Variants in TMTC2 observed in about 807,000 individuals in gnomAD.
TMTC2 encodes protein O-mannosyl-transferase TMTC2.
In TMTC2, 43 loss-of-function variants were observed where a neutral mutation model predicts 82.4. That is an observed-to-expected ratio of 0.52 (90% confidence interval 0.41 to 0.67). The LOEUF (loss-of-function observed/expected upper bound fraction) is 0.67. Ranked by LOEUF, TMTC2 falls within the 30% of genes least tolerant of loss-of-function variation. TMTC2 has a pLI of 0.00. For synonymous variants in TMTC2, 408 were observed against 381.9 expected (o/e 1.07, Z -0.80); for missense variants, 919 against 1,012.4 (o/e 0.91, Z 1.25).
chr12:83,057,806 T>C (rs951626143), intron 10 of TMTC2, among the ~76,000 whole-genome samples: 2 of 151,966 alleles, frequency 1.3e-5, no homozygotes, highest in African/African-American at 2.4e-5. Context: ...GTGGTTTTTA[T>C]ATTAATTTTT....
chr12:82,814,207 TG>T (rs1868559231), intron 1 of TMTC2, among the ~76,000 whole-genome samples: 1 of 152,134 alleles, frequency 6.6e-6, no homozygotes, highest in African/African-American at 2.4e-5. Flanking sequence ...TAAGAAACAG[TG>T]TTACTGAATT....
intron 1 of TMTC2, among the ~76,000 whole-genome samples, chr12:82,845,309 C>A (rs1428937877): frequency 7.4e-6 from 1 of 134,544 alleles, no homozygotes; most frequent in Non-Finnish European, 1.5e-5. Flanking sequence ...ACCACAAATA[C>A]CACAAATCCT....
chr12:82,811,908 C>G (rs948248641), intron 1 of TMTC2, among the ~76,000 whole-genome samples: 1 of 148,596 alleles, frequency 6.7e-6, no homozygotes, highest in Non-Finnish European at 1.5e-5. Context: ...ACCTCACCTC[C>G]TGGGTTCAAG....
At chr12:82,720,429 T>C (rs971646145) in intron 1 of TMTC2, among the ~76,000 whole-genome samples, 1 of 152,194 alleles carries the variant, frequency 6.6e-6, no homozygotes, top group East Asian at 1.9e-4. Flanking sequence ...AATTCCATTG[T>C]ATGAATATTA....
intron 7 of TMTC2, among the ~76,000 whole-genome samples, chr12:82,983,271 G>T (rs1454972564): frequency 2.6e-5 from 4 of 151,920 alleles, no homozygotes; most frequent in Non-Finnish European, 5.9e-5. Flanking sequence ...GTAATAAGTG[G>T]TACCAGAGTA....
chr12:83,061,732 A>G (rs772449476), intron 10 of TMTC2, 36 bp from the exon 11 acceptor site: 26 of 1,521,716 alleles, frequency 1.7e-5, no homozygotes, highest in East Asian at 2.5e-5. Context: ...ATTCTAAAAT[A>G]TATGATATAG....
chr12:82,908,997 C>T (rs1359315894), intron 3 of TMTC2, among the ~76,000 whole-genome samples: 3 of 152,180 alleles, frequency 2.0e-5, no homozygotes, highest in African/African-American at 7.2e-5. Context: ...GGATACTCTT[C>T]AGGCAACAGA....
At chr12:82,937,776 A>ATATGTGTGTG in intron 4 of TMTC2, among the ~76,000 whole-genome samples, 1 of 23,196 alleles carries the variant, frequency 4.3e-5, no homozygotes, top group African/African-American at 1.3e-4. Context: ...ATATATATAT[A>ATATGTGTGTG]TATATATATA....
intron 4 of TMTC2, among the ~76,000 whole-genome samples, chr12:82,957,113 A>T (rs1025249316): frequency 1.3e-5 from 2 of 152,138 alleles, no homozygotes; most frequent in Non-Finnish European, 2.9e-5. Context: ...ATCACCCAAG[A>T]TCGACTACAT....
At position 82,939,011 on chromosome 12, in the gene TMTC2, G is replaced by A. The variant is rs192005845; in HGVS notation, c.1598+8466G>A. On this transcript the variant is annotated intron_variant, in intron 4 of 11. Coordinates refer to ENST00000321196, the MANE Select transcript of TMTC2 (RefSeq NM_152588.3). ...CGTGTGTGCAGATACGTCAGAATTC[G>A]TATAATCGTCTTCATTTTAAGTTGT... Among the ~76,000 whole-genome samples, 31 of 152,148 alleles carry A rather than the reference G, an allele frequency of 2.0e-4. 1 individual carries two copies. The East Asian group carries it at 3.7e-3, about 18-fold the overall frequency.
intron 1 of TMTC2, among the ~76,000 whole-genome samples, chr12:82,830,509 G>C (rs1264162005): frequency 6.6e-6 from 1 of 152,036 alleles, no homozygotes; most frequent in Non-Finnish European, 1.5e-5. Context: ...AGTTTTCCCT[G>C]CAGAGCAATA....
At chr12:83,058,216 C>T (rs374413732) in intron 10 of TMTC2, among the ~76,000 whole-genome samples, 17 of 151,732 alleles carry the variant, frequency 1.1e-4, no homozygotes, top group African/African-American at 2.7e-4. Context: ...TTCCGCAGTA[C>T]GCAAATGATG....
intron 1 of TMTC2, among the ~76,000 whole-genome samples, chr12:82,854,174 T>C (rs1364750292): frequency 2.0e-5 from 3 of 152,240 alleles, no homozygotes; most frequent in Admixed American, 6.5e-5. Context: ...TCTACTGTTC[T>C]GTAATAGGTC....
chr12:83,007,405 T>C (rs887190251), intron 8 of TMTC2, among the ~76,000 whole-genome samples: 1 of 152,224 alleles, frequency 6.6e-6, no homozygotes, highest in Non-Finnish European at 1.5e-5. Context: ...GCATTTAATA[T>C]GATTTTATTT....
rs115852684 is a variant in TMTC2 at position 83,129,473 on chromosome 12, T to A, written c.2332-2737T>A. 1.3e-3 allele frequency among the ~76,000 whole-genome samples: 200 copies of A among 152,308 alleles called. 1 individual carries two copies. Among genetic ancestry groups the A allele is most frequent in the African/African-American group, 4.6e-3 (191 of 41,570 alleles). On this transcript the variant is annotated intron_variant, in intron 11 of 11. Coordinates refer to ENST00000321196, the MANE Select transcript of TMTC2 (RefSeq NM_152588.3). ...ACTAATATTAAAATACAAAATTTGT[T>A]TCATCATTTGATGGCAGGTAGGTAA...
chr12:82,758,158 C>A (rs1051333353), intron 1 of TMTC2, among the ~76,000 whole-genome samples: 1 of 152,050 alleles, frequency 6.6e-6, no homozygotes, highest in East Asian at 1.9e-4. Context: ...ATATTTCTGT[C>A]TCTACTATGA....
At chr12:82,784,643 G>A (rs184495863) in intron 1 of TMTC2, among the ~76,000 whole-genome samples, 4 of 152,218 alleles carry the variant, frequency 2.6e-5, no homozygotes, top group African/African-American at 4.8e-5. Context: ...ATTTGTAGGC[G>A]AAGGGTAACT....
At chr12:82,796,692 T>C (rs541377304) in intron 1 of TMTC2, among the ~76,000 whole-genome samples, 1 of 152,220 alleles carries the variant, frequency 6.6e-6, no homozygotes, top group South Asian at 2.1e-4. Context: ...TGAACTGTGG[T>C]TGAAACTTCT....
At chr12:83,011,688 G>T (rs1173698223) in intron 8 of TMTC2, among the ~76,000 whole-genome samples, 1 of 151,876 alleles carries the variant, frequency 6.6e-6, no homozygotes, top group Non-Finnish European at 1.5e-5. Flanking sequence ...TCTTTTTCTT[G>T]CCTCTCCACT....
Sources: gnomAD v4.1 joint callset for allele counts (sites outside exome capture counted in the v4.1 genomes callset) on GRCh38, gnomAD v4.1.1 for gene constraint, MANE v1.5 for transcripts, NCBI Gene and HGNC (gene_info 2026-07-23, HGNC 2026-07-21) for gene names.